OXNAD1: variants seen among roughly 807,000 people sequenced by gnomAD.
The protein encoded by OXNAD1 is oxidoreductase NAD binding domain containing 1.
OXNAD1 carries 34 observed loss-of-function variants against 32.9 expected under a neutral mutation model. That is an observed-to-expected ratio of 1.03 (90% confidence interval 0.79 to 1.38). The LOEUF is 1.38. Among genes scored for constraint, OXNAD1 ranks in the 40% most tolerant of loss-of-function variants. The pLI is 0.00. For synonymous variants in OXNAD1, 134 were observed against 135.2 expected (o/e 0.99, Z 0.06); for missense variants, 407 against 379.4 (o/e 1.07, Z -0.60).
At chr3:16,267,941 T>C (rs1289250538) in intron 1 of OXNAD1, among the ~76,000 whole-genome samples, 1 of 152,180 alleles carries the variant, frequency 6.6e-6, no homozygotes, top group Non-Finnish European at 1.5e-5. Context: ...ATTTAATGGG[T>C]GTCAGTTTTA....
rs1287626098 is a variant in OXNAD1, at chr3:16,273,383, TG to T, written c.183+1662del. 6.6e-3 allele frequency among the ~76,000 whole-genome samples: 676 copies of T among 103,030 alleles called. 31 individuals carry two copies. Among genetic ancestry groups the T allele is most frequent in the Admixed American group, 0.066 (603 of 9,194 alleles). 67.6% of individuals were successfully genotyped at this position (103,030 alleles called of 152,430 possible). A position where few individuals can be genotyped will look rare whatever the true frequency, so the allele number is the denominator to read the frequency against. On this transcript the variant is annotated intron_variant, in intron 4 of 8. Coordinates refer to ENST00000285083, the MANE Select transcript of OXNAD1 (RefSeq NM_138381.5). ...AGATAGATAGTTAATAGTATTTTCT[TG>T]TTTTTTTTTTTTTTTTTTGAGACAG...
chr3:16,325,513 C>G (rs2069603186), intron 9 of OXNAD1, among the ~76,000 whole-genome samples: 1 of 152,182 alleles, frequency 6.6e-6, no homozygotes, highest in African/African-American at 2.4e-5. Flanking sequence ...GAAACTGACT[C>G]AGAGAAGCTA....
downstream of OXNAD1, among the ~76,000 whole-genome samples, chr3:16,337,669 G>A (rs1366679626): frequency 6.6e-6 from 1 of 150,888 alleles, no homozygotes; most frequent in Non-Finnish European, 1.5e-5. The surrounding 1 kb of genome is among the most constrained non-coding windows in gnomAD (Gnocchi z 5.0). Context: ...TTGAACCCAG[G>A]AGGCGGAGGT....
downstream of OXNAD1, among the ~76,000 whole-genome samples, chr3:16,306,494 T>G (rs2067568943): frequency 6.6e-6 from 1 of 152,234 alleles, no homozygotes; most frequent in African/African-American, 2.4e-5. Context: ...CCCTTCTGTG[T>G]TGTTTCCTCA....
chr3:16,324,237 A>AG (rs2069422774), intron 9 of OXNAD1, among the ~76,000 whole-genome samples: 1 of 152,244 alleles, frequency 6.6e-6, no homozygotes, highest in Non-Finnish European at 1.5e-5. Context: ...TGATTAAATC[A>AG]GGCTACTTAA....
chr3:16,308,508 C>A (rs549376449), downstream of OXNAD1, among the ~76,000 whole-genome samples: 1 of 151,986 alleles, frequency 6.6e-6, no homozygotes, highest in Admixed American at 6.6e-5. This position sits in a 1 kb window ranked among gnomAD's most constrained non-coding sequence, Gnocchi z 4.4. Context: ...CTGGTTATTG[C>A]AGATGATCTG....
rs1449591096 is a variant in OXNAD1 at position 16,344,386 on chromosome 3, T to C, written c.*31-4790T>C. Among the ~76,000 whole-genome samples the C allele has an allele frequency of 6.6e-6, 1 of 152,118 alleles. No homozygotes were observed. Among genetic ancestry groups the C allele is most frequent in the East Asian group, 1.9e-4 (1 of 5,196 alleles). On this transcript the variant is annotated intron_variant, in intron 9 of 9. Transcript: ENST00000606098. This position sits in a 1 kb window ranked among gnomAD's most constrained non-coding sequence, Gnocchi z 4.4. ...TATAGGCATCAACTATAATCTAATT[T>C]AGAAACAACATGTAAAAACAGATAC...
rs1474136593 is a variant in OXNAD1, at chr3:16,317,470, G to A, written c.*30+13878G>A. 6.6e-6 allele frequency among the ~76,000 whole-genome samples: 1 copy of A among 152,126 alleles called. No homozygotes were observed. The highest frequency in any genetic ancestry group is 1.9e-4 in the East Asian group (1 of 5,174). On this transcript the variant is annotated intron_variant, in intron 9 of 9. Coordinates refer to the OXNAD1 transcript ENST00000435829. The surrounding 1 kb of genome is among the most constrained non-coding windows in gnomAD (Gnocchi z 4.3). ...ATTTTAGATGTAGATTTCAGGTTCTGTTGGGGCAGAGCAGTATTTCTTTTG... is the reference window on the plus strand; with the variant it reads ...ATTTTAGATGTAGATTTCAGGTTCTATTGGGGCAGAGCAGTATTTCTTTTG...
intron 9 of OXNAD1, among the ~76,000 whole-genome samples, chr3:16,318,632 C>A (rs2068697497): frequency 1.3e-5 from 2 of 152,088 alleles, no homozygotes; most frequent in Admixed American, 6.5e-5. Flanking sequence ...GGATTTAGCA[C>A]CTTTTAGATA....
At position 16,302,465 on chromosome 3, in the gene OXNAD1, G is replaced by A. The variant is rs2125097231; in HGVS notation, c.676-175G>A. ...TTCAGATTTCAATTAAAGCCAAATA[G>A]CCCTCTGTAGTCTGAATGCTCTGGC... is the stretch of plus-strand genomic sequence containing the variant. On this transcript the variant is annotated intron_variant, in intron 7 of 8. Transcript: ENST00000285083. The surrounding 1 kb of genome is among the most constrained non-coding windows in gnomAD (Gnocchi z 4.2). 6.6e-6 allele frequency among the ~76,000 whole-genome samples: 1 copy of A among 152,286 alleles called. No individual in the cohort carries two copies. Among genetic ancestry groups the A allele is most frequent in the East Asian group, 1.9e-4 (1 of 5,190 alleles).
intron 2 of OXNAD1, 135 bp from the exon 3 acceptor site, chr3:16,270,810 G>T: frequency 7.7e-7 from 1 of 1,299,996 alleles, no homozygotes; most frequent in Non-Finnish European, 1.0e-6. Flanking sequence ...TAGGCTCTTG[G>T]CTGCTTTGGT....
chr3:16,273,384 G>GGT (rs565148731), intron 4 of OXNAD1, among the ~76,000 whole-genome samples: 4 of 121,032 alleles, frequency 3.3e-5, no homozygotes, highest in Admixed American at 1.9e-4. Context: ...GTATTTTCTT[G>GGT]TTTTTTTTTT....
downstream of OXNAD1, among the ~76,000 whole-genome samples, chr3:16,338,951 A>G (rs2071114332): frequency 6.6e-6 from 1 of 152,210 alleles, no homozygotes; most frequent in Non-Finnish European, 1.5e-5. The surrounding 1 kb of genome is among the most constrained non-coding windows in gnomAD (Gnocchi z 5.3). Flanking sequence ...GCTTACTGAT[A>G]ATCATAAAAT....
Position 16,301,833 on chromosome 3 carries a change from T to C in OXNAD1, c.640T>C (p.Tyr214His), listed in dbSNP as rs373728176. 37 of 1,614,044 alleles carry C rather than the reference T, an allele frequency of 2.3e-5. No individual in the cohort carries two copies. The East Asian group carries it at 3.3e-4, about 15-fold the overall frequency. ...TGAGATAGGAACAATAAAACTATTC[T>C]ACAGTGCAAAAAATACCAGCGAACT... ...GYEIGTIKLF[Y>H]SAKNTSELLF... Residue 214 changes from tyrosine (Y) to histidine (H), a missense_variant, in exon 7 of 9, where the codon TAC (tyrosine) becomes CAC (histidine). Tyr to His is a moderately conservative substitution (Grantham distance 83, BLOSUM62 2). Transcript: ENST00000285083. This position sits in a 1 kb window ranked among gnomAD's most constrained non-coding sequence, Gnocchi z 4.1.
chr3:16,274,248 AT>A (rs1459674645), intron 4 of OXNAD1, among the ~76,000 whole-genome samples: 1 of 151,922 alleles, frequency 6.6e-6, no homozygotes, highest in Non-Finnish European at 1.5e-5. Context: ...CCTCATTAAA[AT>A]TTTTGGTTTA....
rs76482250 is a variant in OXNAD1 at position 16,329,342 on chromosome 3, A to AGAAAGG, written c.*31-7758_*31-7753dup. ...GTGGACCGAGACAGGGCGGAAGTGG[A>AGAAAGG]GAAAGGGAAAGGGAAAGAGGAAACT... On this transcript the variant is annotated intron_variant, in intron 9 of 9. Transcript: ENST00000435829. The surrounding 1 kb of genome is among the most constrained non-coding windows in gnomAD (Gnocchi z 4.5). Among the ~76,000 whole-genome samples, 1 of 151,928 alleles carries AGAAAGG rather than the reference A, an allele frequency of 6.6e-6. No individual in the cohort carries two copies. The highest frequency in any genetic ancestry group is 1.5e-5 in the Non-Finnish European group (1 of 67,940).
chr3:16,317,319 C>A lies in OXNAD1; in HGVS notation c.*30+13727C>A. On this transcript the variant is annotated intron_variant, in intron 9 of 9. Transcript: ENST00000435829. The surrounding 1 kb of genome is among the most constrained non-coding windows in gnomAD (Gnocchi z 4.3). ...AGCCTTGTTTGCATTCATACCCACA[C>A]CATGTCTGAGTGAGACATACAATTC... 7.2e-7 allele frequency: 1 copy of A among 1,395,874 alleles called. No homozygotes were observed. The allele number at this position is 1,395,874 out of a possible 1,614,324, so 86.5% of individuals were successfully genotyped here. A position where few individuals can be genotyped will look rare whatever the true frequency, so the allele number is the denominator to read the frequency against.
intron 9 of OXNAD1, among the ~76,000 whole-genome samples, chr3:16,347,390 T>C (rs1034346680): frequency 6.6e-6 from 1 of 152,232 alleles, no homozygotes; most frequent in African/African-American, 2.4e-5. Context: ...TCAAAATCAG[T>C]ATCACTGGGT....
At position 16,298,217 on chromosome 3, in the gene OXNAD1, T is replaced by C. The variant is rs1184520868; in HGVS notation, c.432+3220T>C. 6.6e-6 allele frequency among the ~76,000 whole-genome samples: 1 copy of C among 152,116 alleles called. No homozygotes were observed. Among genetic ancestry groups the C allele is most frequent in the African/African-American group, 2.4e-5 (1 of 41,428 alleles). ...CCCCTCATTACTGGCTCTAGGTTGC[T>C]CCTAGAGGTGCTAAAATATGCTGCT... On this transcript the variant is annotated intron_variant, in intron 6 of 8. Coordinates refer to ENST00000285083, the MANE Select transcript of OXNAD1 (RefSeq NM_138381.5). This position sits in a 1 kb window ranked among gnomAD's most constrained non-coding sequence, Gnocchi z 5.1.
Sources: allele counts gnomAD v4.1 joint callset (sites outside exome capture counted in the v4.1 genomes callset), GRCh38; gene constraint gnomAD v4.1.1; non-coding constraint Gnocchi (gnomAD v3.1); transcripts MANE v1.5; gene names NCBI Gene and HGNC (gene_info 2026-07-23, HGNC 2026-07-21).